Variants in MECOM observed in about 807,000 individuals in gnomAD.
The protein encoded by MECOM is MDS1 and EVI1 complex locus.
MECOM carries 13 observed loss-of-function variants against 116.3 expected under a neutral mutation model. The ratio of observed to expected loss-of-function variants is 0.11; its 90% CI spans 0.07 to 0.18. MECOM has a LOEUF of 0.18. Among genes scored for constraint, MECOM ranks in the 10% least tolerant of loss-of-function variants. MECOM has a pLI of 1.00. For missense variants in MECOM, 1,299 were observed against 1,509.0 expected (o/e 0.86, Z 2.31); for synonymous variants, 528 against 535.2 (o/e 0.99, Z 0.19).
intron 1 of MECOM, among the ~76,000 whole-genome samples, chr3:169,523,285 T>C (rs1757569911): frequency 6.6e-6 from 1 of 152,170 alleles, no homozygotes; most frequent in Admixed American, 6.6e-5. Flanking sequence ...TTCTGGGGCC[T>C]ATAAAGAGAA....
chr3:169,409,506 A>G (rs1282987126), intron 1 of MECOM, among the ~76,000 whole-genome samples: 1 of 152,184 alleles, frequency 6.6e-6, no homozygotes, highest in Non-Finnish European at 1.5e-5. Context: ...TCTAGCCCCA[A>G]ACCACAGGTG....
chr3:169,369,718 C>T (rs997825849), intron 2 of MECOM, among the ~76,000 whole-genome samples: 3 of 151,926 alleles, frequency 2.0e-5, no homozygotes, highest in Non-Finnish European at 4.4e-5. Flanking sequence ...GACGTTCAAA[C>T]TCAGGGTCCC....
chr3:169,499,869 T>G (rs998932369), intron 1 of MECOM, among the ~76,000 whole-genome samples: 2 of 152,016 alleles, frequency 1.3e-5, no homozygotes, highest in African/African-American at 4.8e-5. Flanking sequence ...TAATGTATAT[T>G]AAGGGTAACC....
chr3:169,567,130 G>C (rs1763338371), intron 1 of MECOM, among the ~76,000 whole-genome samples: 1 of 148,074 alleles, frequency 6.8e-6, no homozygotes. Context: ...ACAATCAGGA[G>C]AGGAGAAATC....
At chr3:169,460,073 A>C (rs2108730769) in intron 1 of MECOM, among the ~76,000 whole-genome samples, 1 of 151,824 alleles carries the variant, frequency 6.6e-6, no homozygotes, top group Admixed American at 6.5e-5. Flanking sequence ...TGGCTTCTGA[A>C]GGTCACAAAA....
chr3:169,402,525 G>A (rs1207960912), intron 1 of MECOM, among the ~76,000 whole-genome samples: 2 of 152,060 alleles, frequency 1.3e-5, no homozygotes, highest in South Asian at 2.1e-4. Flanking sequence ...GCATGATGGC[G>A]CATGCCTATA....
chr3:169,562,398 G>A (rs779426306), intron 1 of MECOM, among the ~76,000 whole-genome samples: 5 of 152,056 alleles, frequency 3.3e-5, no homozygotes, highest in Non-Finnish European at 5.9e-5. Flanking sequence ...CTTGCTGTGA[G>A]GTGTGGCATG....
intron 16 of MECOM, among the ~76,000 whole-genome samples, chr3:169,085,300 C>T (rs1007136492): frequency 6.6e-6 from 1 of 152,112 alleles, no homozygotes; most frequent in South Asian, 2.1e-4. Flanking sequence ...AATAGTGCTT[C>T]CATTGAGAAA....
chr3:169,404,143 A>T (rs4955647), intron 1 of MECOM, among the ~76,000 whole-genome samples: 86,857 of 151,946 alleles, frequency 0.57, 25,250 homozygotes, highest in East Asian at 0.9. Context: ...TAGACCCTAT[A>T]CTAATTCAAG....
intron 2 of MECOM, chr3:169,147,374 T>C: frequency 1.0e-6 from 1 of 985,492 alleles, no homozygotes; most frequent in South Asian, 4.7e-5. Context: ...GGGTTTCTAT[T>C]TCATGAACTG....
At chr3:169,213,138 A>G (rs1750993092) in intron 2 of MECOM, among the ~76,000 whole-genome samples, 1 of 151,724 alleles carries the variant, frequency 6.6e-6, no homozygotes, top group Non-Finnish European at 1.5e-5. Flanking sequence ...CAGAATATCA[A>G]TTTTCATCAC....
intron 1 of MECOM, among the ~76,000 whole-genome samples, chr3:169,417,618 A>G (rs1483427505): frequency 2.6e-5 from 4 of 151,728 alleles, no homozygotes; most frequent in African/African-American, 9.7e-5. Flanking sequence ...GTATATACCC[A>G]AAGGACTATA....
intron 2 of MECOM, among the ~76,000 whole-genome samples, chr3:169,378,055 A>G (rs1731341692): frequency 6.6e-6 from 1 of 152,036 alleles, no homozygotes. Flanking sequence ...CATCATTCTC[A>G]GCAAGCCAAC....
intron 2 of MECOM, among the ~76,000 whole-genome samples, chr3:169,276,584 C>T (rs1759607907): frequency 2.1e-5 from 3 of 142,934 alleles, no homozygotes; most frequent in East Asian, 2.1e-4. Context: ...AAGTCTACAA[C>T]ATGACATATG....
intron 2 of MECOM, among the ~76,000 whole-genome samples, chr3:169,212,634 ATG>A (rs201903262): frequency 0.35 from 2,085 of 5,896 alleles, 594 homozygotes; most frequent in Middle Eastern, 0.4. Flanking sequence ...CTAGTCAGCA[ATG>A]TATATATATA....
chr3:169,204,074 A>G (rs927770795), intron 2 of MECOM, among the ~76,000 whole-genome samples: 11 of 152,204 alleles, frequency 7.2e-5, no homozygotes, highest in Admixed American at 6.5e-4. Context: ...TTCAAAGGCC[A>G]GTTCATGCCA....
At chr3:169,216,300 C>A (rs910214808) in intron 2 of MECOM, among the ~76,000 whole-genome samples, 1 of 152,026 alleles carries the variant, frequency 6.6e-6, no homozygotes, top group African/African-American at 2.4e-5. Context: ...CTTTTTTTCT[C>A]ACTAGGTTTA....
At chr3:169,311,730 T>G (rs1167019443) in intron 2 of MECOM, among the ~76,000 whole-genome samples, 1 of 152,306 alleles carries the variant, frequency 6.6e-6, no homozygotes, top group East Asian at 1.9e-4. Context: ...TTCTCTAAAT[T>G]TTTAAAATGG....
intron 1 of MECOM, among the ~76,000 whole-genome samples, chr3:169,518,084 C>G (rs537252685): frequency 6.6e-6 from 1 of 151,982 alleles, no homozygotes; most frequent in Non-Finnish European, 1.5e-5. Flanking sequence ...ATGGTGATAC[C>G]CCGTCTTTAC....
Sources: allele counts gnomAD v4.1 joint callset (sites outside exome capture counted in the v4.1 genomes callset), GRCh38; gene constraint gnomAD v4.1.1; transcripts MANE v1.5; gene names NCBI Gene and HGNC (gene_info 2026-07-23, HGNC 2026-07-21).